PIP5K1C: variants seen among roughly 807,000 people sequenced by gnomAD.
The protein encoded by PIP5K1C is phosphatidylinositol 4-phosphate 5-kinase type-1 gamma.
A neutral mutation model predicts 80.1 loss-of-function variants in PIP5K1C; 45 were observed. The ratio of observed to expected loss-of-function variants is 0.56; its 90% CI spans 0.44 to 0.72. PIP5K1C has a LOEUF of 0.72. PIP5K1C is among the 30% of genes least tolerant of loss of function. The pLI is 0.00. For synonymous variants in PIP5K1C, 498 were observed against 420.1 expected, an observed-to-expected ratio of 1.19 and a Z score of -2.27; for missense variants, 753 against 954.6, an observed-to-expected ratio of 0.79 and a Z score of 2.78.
At chr19:3,687,550 C>T (rs996198912) in intron 1 of PIP5K1C, among the ~76,000 whole-genome samples, 1 of 146,090 alleles carries the variant, frequency 6.8e-6, no homozygotes, top group Non-Finnish European at 1.5e-5. Context: ...TACATGCACA[C>T]ATGCACACGC....
chr19:3,680,648 A>G (rs1021134869), intron 1 of PIP5K1C, among the ~76,000 whole-genome samples: 2 of 152,218 alleles, frequency 1.3e-5, no homozygotes, highest in African/African-American at 4.8e-5. Context: ...GCACCTGGAA[A>G]GCACAGAATC....
rs1380544360 is a variant in PIP5K1C, at chr19:3,696,276, C to A, written c.94+4021G>T. Among the ~76,000 whole-genome samples the A allele has an allele frequency of 6.6e-6, 1 of 152,206 alleles. No homozygotes were observed. Among genetic ancestry groups the A allele is most frequent in the Non-Finnish European group, 1.5e-5 (1 of 68,036 alleles). ...TCCCTGGCACTGCTGGCCTCATGCA[C>A]CTGATGTTCACCAGGATCTGCACTG... On this transcript the variant is annotated intron_variant, in intron 1 of 17. Coordinates refer to ENST00000335312, the MANE Select transcript of PIP5K1C (RefSeq NM_012398.3). This position sits in a 1 kb window ranked among gnomAD's most constrained non-coding sequence, Gnocchi z 4.1.
chr19:3,680,414 C>G (rs2035553752), intron 1 of PIP5K1C, among the ~76,000 whole-genome samples: 1 of 152,194 alleles, frequency 6.6e-6, no homozygotes, highest in African/African-American at 2.4e-5. Context: ...ATACGATTCT[C>G]CCGTCTCAGC....
intron 1 of PIP5K1C, among the ~76,000 whole-genome samples, chr19:3,685,049 C>G (rs1286754657): frequency 6.6e-6 from 1 of 152,204 alleles, no homozygotes; most frequent in African/African-American, 2.4e-5. Context: ...TTTCTCAAAG[C>G]ATTAACTCAC....
intron 15 of PIP5K1C, among the ~76,000 whole-genome samples, chr19:3,639,513 C>T (rs2033870446): frequency 6.6e-6 from 1 of 152,212 alleles, no homozygotes; most frequent in Non-Finnish European, 1.5e-5. Context: ...CTCACTACAG[C>T]CTCCACCGCC....
At chr19:3,638,725 C>T (rs1043378137) in intron 16 of PIP5K1C, among the ~76,000 whole-genome samples, 159 bp downstream of exon 16, 4 of 151,480 alleles carry the variant, frequency 2.6e-5, no homozygotes, top group African/African-American at 4.9e-5. Flanking sequence ...GTGGGCGTGT[C>T]GTGAGAGTGC....
chr19:3,687,575 G>A (rs374028037), intron 1 of PIP5K1C, among the ~76,000 whole-genome samples: 58 of 147,834 alleles, frequency 3.9e-4, no homozygotes, highest in East Asian at 9.8e-4. Flanking sequence ...ACATGCACAC[G>A]CACACACATG....
chr19:3,643,408 T>A (rs1225132159), intron 12 of PIP5K1C, 27 bp from the exon 13 acceptor site: 1 of 1,612,008 alleles, frequency 6.2e-7, no homozygotes, highest in Non-Finnish European at 8.5e-7. Flanking sequence ...GTGGGCACCT[T>A]GCGGAGCCTC....
rs557185457 is a variant in PIP5K1C, at chr19:3,678,401, T to A, written c.95-11048A>T. 1.2e-3 allele frequency among the ~76,000 whole-genome samples: 87 copies of A among 71,654 alleles called. 1 individual carries two copies. Among genetic ancestry groups the A allele is most frequent in the African/African-American group, 4.7e-3 (82 of 17,412 alleles). The allele number at this position is 71,654 out of a possible 152,430, so 47.0% of individuals were successfully genotyped here. On this transcript the variant is annotated intron_variant, in intron 1 of 17. Transcript: ENST00000335312. ...GATGGAGAATAGATGGATGGAGGGA[T>A]AGAGATGGAGTGATGAAGGATGGAG...
Position 3,645,994 on chromosome 19 carries a change from G to A in PIP5K1C, c.1325C>T (p.Thr442Met), listed in dbSNP as rs146759793. The change falls in exon 11 of 18, where the codon ACG (threonine) becomes ATG (methionine). Residue 442 changes from threonine (T) to methionine (M), a missense_variant. Coordinates refer to ENST00000335312, the MANE Select transcript of PIP5K1C (RefSeq NM_012398.3). ...AERFFKFMSN[T>M]VFRKNSSLKS... The stretch of plus-strand genomic sequence containing the variant: ...CTTACAGGAGTTCTTCCGAAAGACC[G>A]TGTTGCTCATGAACTTGAAAAAGCG... The A allele has an allele frequency of 4.8e-5, 77 of 1,613,348 alleles. 2 individuals are homozygous for A. The Middle Eastern group carries it at 2.6e-3, about 55-fold the overall frequency.
intron 1 of PIP5K1C, among the ~76,000 whole-genome samples, chr19:3,685,332 G>C (rs568352384): frequency 6.6e-6 from 1 of 152,284 alleles, no homozygotes; most frequent in African/African-American, 2.4e-5. Flanking sequence ...CAGGTAAAAA[G>C]ACAGGAGTCT....
chr19:3,660,428 T>G (rs2034796452), intron 5 of PIP5K1C, among the ~76,000 whole-genome samples: 1 of 151,278 alleles, frequency 6.6e-6, no homozygotes, highest in African/African-American at 2.4e-5. Flanking sequence ...AGGGCCACTG[T>G]GGGGAGCACC....
intron 3 of PIP5K1C, among the ~76,000 whole-genome samples, chr19:3,663,130 T>A (rs1169311409): frequency 6.6e-6 from 1 of 152,190 alleles, no homozygotes; most frequent in Non-Finnish European, 1.5e-5. Flanking sequence ...CCTCCCAAAG[T>A]GCTAGGATTC....
intron 13 of PIP5K1C, 51 bp from the exon 14 acceptor site, chr19:3,642,990 G>C (rs781643777): frequency 1.9e-6 from 3 of 1,602,414 alleles, no homozygotes; most frequent in East Asian, 4.5e-5. Context: ...TGGCCCGCCT[G>C]CTCAGTCTAC....
chr19:3,635,238 T>C (rs2033633763), intron 16 of PIP5K1C, among the ~76,000 whole-genome samples: 1 of 152,256 alleles, frequency 6.6e-6, no homozygotes, highest in Non-Finnish European at 1.5e-5. Context: ...AGTATCCTTC[T>C]GCTACAGCAT....
At chr19:3,661,193 C>CA in intron 4 of PIP5K1C, 110 bp from the exon 5 acceptor site, 1 of 707,470 alleles carries the variant, frequency 1.4e-6, no homozygotes. Context: ...AGCGGCTCAG[C>CA]TCCAAGACTT....
At chr19:3,674,957 C>A (rs1262275225) in intron 1 of PIP5K1C, among the ~76,000 whole-genome samples, 1 of 152,124 alleles carries the variant, frequency 6.6e-6, no homozygotes, top group Non-Finnish European at 1.5e-5. Context: ...CACGGATGCA[C>A]CTTGAAGACG....
chr19:3,658,161 T>G lies in PIP5K1C; in HGVS notation c.469-1604A>C, dbSNP rs138481842. Among the ~76,000 whole-genome samples, 1,049 of 152,192 alleles carry G rather than the reference T, an allele frequency of 6.9e-3. 18 individuals are homozygous for G. The highest frequency in any genetic ancestry group is 0.025 in the African/African-American group (1,020 of 41,524). On this transcript the variant is annotated intron_variant, in intron 5 of 17. Coordinates refer to ENST00000335312, the MANE Select transcript of PIP5K1C (RefSeq NM_012398.3). ...CCCCGCCCTGCACTGCCCGAGGTGCTCTCGGGCCAGGGAACGGCGCCATCA... is the reference window on the plus strand; with the variant it reads ...CCCCGCCCTGCACTGCCCGAGGTGCGCTCGGGCCAGGGAACGGCGCCATCA...
chr19:3,675,803 C>T (rs2035339387), intron 1 of PIP5K1C, among the ~76,000 whole-genome samples: 1 of 152,154 alleles, frequency 6.6e-6, no homozygotes, highest in African/African-American at 2.4e-5. Context: ...TGCAGGGTGC[C>T]GAGCAGCATC....
Sources: gnomAD v4.1 joint callset for allele counts (sites outside exome capture counted in the v4.1 genomes callset) on GRCh38, gnomAD v4.1.1 for gene constraint, Gnocchi (gnomAD v3.1) non-coding constraint, MANE v1.5 for transcripts, NCBI Gene and HGNC (gene_info 2026-07-23, HGNC 2026-07-21) for gene names.